Variants in MYO15A observed in about 807,000 individuals in gnomAD.
The protein encoded by MYO15A is myosin XVA.
Under a neutral mutation model 394.6 loss-of-function variants are expected in MYO15A, and 308 were observed. The observed-to-expected ratio is 0.78, with a 90% CI of 0.71 to 0.86. The LOEUF is 0.86. Ranked by LOEUF, MYO15A falls within the 40% of genes least tolerant of loss-of-function variation. MYO15A has a pLI of 0.00. For synonymous variants in MYO15A, 1,957 were observed against 2,003.8 expected (o/e 0.98, Z 0.62); for missense variants, 4,606 against 4,799.1 (o/e 0.96, Z 1.19).
intron 65 of MYO15A, chr17:18,177,665 G>C (rs777977268): frequency 6.6e-6 from 1 of 152,274 alleles, no homozygotes; most frequent in Non-Finnish European, 1.5e-5. Context: ...CCACCTACCA[G>C]TTGTGCAGTC....
In MYO15A at chr17:18,167,637, C is replaced by T. The variant is rs1362359612; in HGVS notation, c.9996C>T (p.Ser3332=). The change falls in exon 62 of 66, where the codon AGC becomes AGT. Residue 3332 remains serine (S), a synonymous_variant. Transcript: ENST00000647165. ...LKGLFSSVPA[S]RPSEQLLQQV... ...GACTCTTCAGCAGTGTGCCGGCCAGCCGGCCCAGCGAGCAGCTGCTGCAGC... is the reference window on the plus strand; with the variant it reads ...GACTCTTCAGCAGTGTGCCGGCCAGTCGGCCCAGCGAGCAGCTGCTGCAGC... 1 of 1,604,030 alleles carries T rather than the reference C, an allele frequency of 6.2e-7. No individual in the cohort carries two copies.
rs121908970 is a variant in MYO15A at position 18,148,133 on chromosome 17, C to T, written c.6614C>T (p.Thr2205Ile). 4.4e-3 allele frequency: 7,112 copies of T among 1,613,862 alleles called. 28 individuals are homozygous for T. Among genetic ancestry groups the T allele is most frequent in the Non-Finnish European group, 4.6e-3 (5,388 of 1,180,030 alleles). Residue 2205 changes from threonine (T) to isoleucine (I), a missense_variant, in exon 31 of 66, where the codon ACC becomes ATC. This residue lies in a region of MYO15A where 2,776 missense variants were observed against 3,109.3 expected (regional missense o/e 0.89). Coordinates refer to ENST00000647165, the MANE Select transcript of MYO15A (RefSeq NM_016239.4). The surrounding 1 kb of genome is among the most constrained non-coding windows in gnomAD (Gnocchi z 4.8). ...CAGCAGGGCTCGGGGGCTGCCCGCACCTTACCCCCGACCCAGCTCGAGTGG... is the reference window on the plus strand; with the variant it reads ...CAGCAGGGCTCGGGGGCTGCCCGCATCTTACCCCCGACCCAGCTCGAGTGG... ...AQQQGSGAAR[T>I]LPPTQLEWTA...
chr17:18,171,629 C>T lies in MYO15A; in HGVS notation c.10083-9C>T, dbSNP rs1329005226. The T allele has an allele frequency of 2.2e-5, 36 of 1,613,908 alleles. No homozygotes were observed. The highest frequency in any genetic ancestry group is 1.2e-4 in the African/African-American group (9 of 75,064). On this transcript the variant is annotated splice_polypyrimidine_tract_variant and intron_variant, in intron 62 of 65. Coordinates refer to ENST00000647165, the MANE Select transcript of MYO15A (RefSeq NM_016239.4). ...ACTCAGGACCTTTTTCCCCTTCCTC[C>T]GTACACAGGCGGGAAGTCCAGGAGT...
chr17:18,148,304 C>G lies in MYO15A; in HGVS notation c.6691+94C>G, dbSNP rs2046516252. ...GCAGAAGCCACTGGATGTTCTGGAG[C>G]TGGGGAGGGGCCTTCTCAGATGTGG... On this transcript the variant is annotated intron_variant, in intron 31 of 65. Coordinates refer to ENST00000647165, the MANE Select transcript of MYO15A (RefSeq NM_016239.4). This position sits in a 1 kb window ranked among gnomAD's most constrained non-coding sequence, Gnocchi z 4.8. 5.2e-6 allele frequency: 8 copies of G among 1,548,004 alleles called. No individual in the cohort carries two copies. The highest frequency in any genetic ancestry group is 1.4e-5 in the African/African-American group (1 of 73,350).
chr17:18,141,886 T>C, intron 23 of MYO15A, 116 bp downstream of exon 23: 1 of 1,259,672 alleles, frequency 7.9e-7, no homozygotes, highest in Non-Finnish European at 1.2e-6. Flanking sequence ...CCAGATGAGC[T>C]TGGGATATGG....
chr17:18,172,074 A>C (rs1324886734), intron 63 of MYO15A, 83 bp from the exon 64 acceptor site: 3 of 1,605,458 alleles, frequency 1.9e-6, no homozygotes, highest in Non-Finnish European at 2.6e-6. Context: ...GACACAGCCC[A>C]GAGAAGCTAT....
At chr17:18,112,127 G>T (rs2045729756) in intron 1 of MYO15A, among the ~76,000 whole-genome samples, 1 of 152,220 alleles carries the variant, frequency 6.6e-6, no homozygotes, top group Admixed American at 6.5e-5. Context: ...GACAGACAAG[G>T]CTCCCCTACT....
intron 56 of MYO15A, chr17:18,161,115 GC>G (rs2046768233): frequency 1.2e-6 from 1 of 836,306 alleles, no homozygotes; most frequent in South Asian, 1.4e-5. Context: ...GATGTCTGGG[GC>G]CCCATCCCCT....
At position 18,156,352 on chromosome 17, in the gene MYO15A, C is replaced by T; in HGVS notation, c.8601+16C>T. The T allele has an allele frequency of 1.2e-6, 2 of 1,613,568 alleles. No individual in the cohort carries two copies. The highest frequency in any genetic ancestry group is 8.5e-7 in the Non-Finnish European group (1 of 1,179,640). The stretch of plus-strand genomic sequence containing the variant: ...GCTGAAGAAGGTCAGGATCTTCTCA[C>T]AGATCTTCCCTCCACCCAGGCTGAG... On this transcript the variant is annotated intron_variant, in intron 48 of 65. Coordinates refer to ENST00000647165, the MANE Select transcript of MYO15A (RefSeq NM_016239.4).
Position 18,119,968 on chromosome 17 carries a change from G to A in MYO15A, c.1168G>A (p.Glu390Lys), listed in dbSNP as rs762537238. 5.6e-6 allele frequency: 9 copies of A among 1,613,520 alleles called. No individual in the cohort carries two copies. In the Admixed American group the frequency reaches 6.7e-5, roughly 12 times the overall value. The change falls in exon 2 of 66, where the codon GAG (glutamate) becomes AAG (lysine). Residue 390 changes from glutamate to lysine, a missense_variant. Around this residue, in one of 2 missense-constraint regions of MYO15A, gnomAD observed 1,830 missense variants for 1,689.7 expected, o/e 1.08. Transcript: ENST00000647165. The part of the protein sequence containing the change: ...YAEGVYGGGD[E>K]AIYPPEVPYF... ...CGAAGGCGTCTATGGCGGTGGGGAC[G>A]AGGCCATCTACCCCCCCGAGGTGCC...
At chr17:18,127,253 GC>G in intron 7 of MYO15A, 88 bp downstream of exon 7, 1 of 1,481,528 alleles carries the variant, frequency 6.7e-7, no homozygotes, top group South Asian at 1.2e-5. Context: ...AGGCTCCTTG[GC>G]CCACCAGGAA....
Position 18,133,305 on chromosome 17 carries a change from C to T in MYO15A, c.4401C>T (p.Phe1467=). 6.2e-7 allele frequency: 1 copy of T among 1,614,192 alleles called. No homozygotes were observed. Among genetic ancestry groups the T allele is most frequent in the African/African-American group, 1.3e-5 (1 of 75,052 alleles). ...TGGCTGCCATGGAGGTGTTGGGCTTCAGCAGTGAGGACCAGGACAGCATCT... is the reference window on the plus strand; with the variant it reads ...TGGCTGCCATGGAGGTGTTGGGCTTTAGCAGTGAGGACCAGGACAGCATCT... The part of the protein sequence containing the change: ...RLLAAMEVLG[F]SSEDQDSIFR... The change falls in exon 12 of 66, where the codon TTC becomes TTT. Residue 1467 remains phenylalanine, a synonymous_variant. Transcript: ENST00000647165.
intron 16 of MYO15A, 43 bp from the exon 17 acceptor site, chr17:18,138,072 G>C: frequency 6.2e-7 from 1 of 1,600,438 alleles, no homozygotes; most frequent in Non-Finnish European, 8.5e-7. Context: ...GTGGGCCCTG[G>C]ACAGGGATGG....
At chr17:18,155,248 C>CT (rs1268527014) in intron 46 of MYO15A, 23 bp downstream of exon 46, 2 of 1,613,662 alleles carry the variant, frequency 1.2e-6, no homozygotes, top group East Asian at 4.5e-5. Context: ...CACTTGCCCC[C>CT]TACCTGTCCA....
chr17:18,116,714 A>G (rs2045791279), intron 1 of MYO15A, among the ~76,000 whole-genome samples: 1 of 152,120 alleles, frequency 6.6e-6, no homozygotes. Context: ...TGAGATCAGG[A>G]GTTTGAGACC....
rs748890004 is a variant in MYO15A, at chr17:18,131,260, T to C, written c.4060T>C (p.Leu1354=). ...QIKILEATPL[L]ESFGNAKTVR... The stretch of plus-strand genomic sequence containing the variant: ...CCAGATCCTGGAGGCAACACCCCTC[T>C]TGGAGTCCTTCGGTAATGCCAAAAC... The change falls in exon 9 of 66, where the codon TTG becomes CTG. Residue 1354 remains leucine, a synonymous_variant. Coordinates refer to ENST00000647165, the MANE Select transcript of MYO15A (RefSeq NM_016239.4). 6.2e-7 allele frequency: 1 copy of C among 1,613,770 alleles called. No homozygotes were observed. Among genetic ancestry groups the C allele is most frequent in the East Asian group, 2.2e-5 (1 of 44,864 alleles).
chr17:18,148,889 G>C lies in MYO15A; in HGVS notation c.6893G>C (p.Arg2298Pro). The C allele has an allele frequency of 6.2e-7, 1 of 1,607,580 alleles. No homozygotes were observed. The highest frequency in any genetic ancestry group is 8.5e-7 in the Non-Finnish European group (1 of 1,177,140). Residue 2298 changes from arginine to proline, a missense_variant, in exon 33 of 66, where the codon CGA (arginine) becomes CCA (proline). By Grantham distance (103) the Arg-to-Pro change is moderately radical. Transcript: ENST00000647165. The surrounding 1 kb of genome is among the most constrained non-coding windows in gnomAD (Gnocchi z 4.8). The stretch of plus-strand genomic sequence containing the variant: ...CTGGAGCTGCTCAGGGACTTCCCTC[G>C]ACAGAAGTCCTACTTCATTGTGGGC... The part of the protein sequence containing the change: ...SDLELLRDFP[R>P]QKSYFIVGTE...
chr17:18,130,630 C>T (rs577318023), intron 7 of MYO15A, among the ~76,000 whole-genome samples, 175 bp from the exon 8 acceptor site: 3 of 152,066 alleles, frequency 2.0e-5, no homozygotes, highest in Non-Finnish European at 4.4e-5. Flanking sequence ...ACCTTGGAGA[C>T]CCCATGGCAG....
At chr17:18,146,833 G>A (rs1326659896) in intron 30 of MYO15A, among the ~76,000 whole-genome samples, 1 of 152,166 alleles carries the variant, frequency 6.6e-6, no homozygotes, top group African/African-American at 2.4e-5. Context: ...GTTGAGGCAA[G>A]AGCATTGCTT....
Sources: allele counts gnomAD v4.1 joint callset (sites outside exome capture counted in the v4.1 genomes callset), GRCh38; gene constraint gnomAD v4.1.1; regional missense constraint gnomAD v4.1.1; non-coding constraint Gnocchi (gnomAD v3.1); transcripts MANE v1.5; gene names NCBI Gene and HGNC (gene_info 2026-07-23, HGNC 2026-07-21).